INO80: variants seen among roughly 807,000 people sequenced by gnomAD.
The protein encoded by INO80 is INO80 complex ATPase subunit, also known as chromatin-remodeling ATPase INO80.
Under a neutral mutation model 203.4 loss-of-function variants are expected in INO80, and 20 were observed. The ratio of observed to expected loss-of-function variants is 0.10; its 90% CI spans 0.07 to 0.14. The LOEUF (loss-of-function observed/expected upper bound fraction) is 0.14, where lower values mean the gene tolerates loss of function less well. Among genes scored for constraint, INO80 ranks in the 10% least tolerant of loss-of-function variants. The pLI is 1.00. For missense variants in INO80, 1,419 were observed against 1,914.4 expected, an observed-to-expected ratio of 0.74 and a Z score of 4.83; for synonymous variants, 726 against 685.2, an observed-to-expected ratio of 1.06 and a Z score of -0.93.
chr15:41,051,751 G>T (rs192184919), intron 19 of INO80, among the ~76,000 whole-genome samples: 45 of 152,060 alleles, frequency 3.0e-4, no homozygotes, highest in Admixed American at 2.9e-3. Flanking sequence ...TCAAGAGATC[G>T]AGACCATCCT....
intron 7 of INO80, among the ~76,000 whole-genome samples, chr15:41,084,216 C>G: frequency 6.7e-6 from 1 of 150,112 alleles, no homozygotes. Context: ...AAAAAAAACG[C>G]TACATATGGC....
intron 23 of INO80, among the ~76,000 whole-genome samples, chr15:41,046,161 C>CTGTGTGTGTG (rs138869233): frequency 9.8e-6 from 1 of 101,688 alleles, no homozygotes; most frequent in Non-Finnish European, 2.1e-5. Context: ...GTGTGTGTGT[C>CTGTGTGTGTG]TGTGTGTGTG....
At chr15:41,056,198 G>A (rs1485743700) in intron 17 of INO80, among the ~76,000 whole-genome samples, 1 of 151,766 alleles carries the variant, frequency 6.6e-6, no homozygotes. Flanking sequence ...CTCCCACTTC[G>A]ACCTCCCAAG....
intron 4 of INO80, among the ~76,000 whole-genome samples, chr15:41,092,719 G>T (rs1199381472): frequency 1.3e-5 from 2 of 152,156 alleles, no homozygotes; most frequent in Non-Finnish European, 2.9e-5. Context: ...CTCAATTAAA[G>T]AAGTCAATCA....
At chr15:41,006,207 G>C (rs2044038840) in intron 27 of INO80, among the ~76,000 whole-genome samples, 1 of 152,016 alleles carries the variant, frequency 6.6e-6, no homozygotes, top group Non-Finnish European at 1.5e-5. Context: ...CAAAAGACAA[G>C]GTAATTTTCT....
At chr15:40,994,625 A>G (rs1275845614) in intron 29 of INO80, among the ~76,000 whole-genome samples, 1 of 151,940 alleles carries the variant, frequency 6.6e-6, no homozygotes, top group Non-Finnish European at 1.5e-5. Context: ...TCTGCCTCCC[A>G]AAGTGTTAGG....
Position 41,031,807 on chromosome 15 carries a change from A to G in INO80, c.2908-4071T>C, listed in dbSNP as rs542007534. ...GCCGCCAGGACTATAATATGCACAC[A>G]GTAGTGAAGTCAGCCTTTTCTAAAG... On this transcript the variant is annotated intron_variant, in intron 24 of 35. Transcript: ENST00000648947. 1.1e-4 allele frequency among the ~76,000 whole-genome samples: 16 copies of G among 152,220 alleles called. No individual in the cohort carries two copies. In the East Asian group the frequency reaches 1.9e-3, roughly 18 times the overall value.
chr15:41,048,394 G>T (rs1335129798), intron 21 of INO80, 118 bp from the exon 22 acceptor site: 1 of 713,716 alleles, frequency 1.4e-6, no homozygotes, highest in African/African-American at 1.8e-5. Flanking sequence ...TCACTTTTAA[G>T]AAGTTTCTTG....
At chr15:41,036,341 C>A (rs2044576115) in intron 24 of INO80, among the ~76,000 whole-genome samples, 1 of 151,942 alleles carries the variant, frequency 6.6e-6, no homozygotes, top group South Asian at 2.1e-4. Context: ...AGCTCATTAG[C>A]AACCTCTATT....
chr15:40,996,001 T>C (rs1361615148), intron 29 of INO80, among the ~76,000 whole-genome samples: 4 of 152,152 alleles, frequency 2.6e-5, no homozygotes, highest in Non-Finnish European at 5.9e-5. Flanking sequence ...GTGCATCCTA[T>C]AGTTGCTATT....
chr15:41,048,630 G>A (rs2044809422), intron 21 of INO80, among the ~76,000 whole-genome samples: 1 of 152,166 alleles, frequency 6.6e-6, no homozygotes, highest in Non-Finnish European at 1.5e-5. Flanking sequence ...AATAACTCAT[G>A]AAGTAAAATC....
chr15:40,988,827 T>TCA (rs1453406113), intron 29 of INO80, among the ~76,000 whole-genome samples: 1 of 152,112 alleles, frequency 6.6e-6, no homozygotes, highest in African/African-American at 2.4e-5. Context: ...CCAGCCTGGC[T>TCA]AACATGGTGA....
intron 33 of INO80, 123 bp downstream of exon 33, chr15:40,984,074 G>T: frequency 2.2e-6 from 3 of 1,337,590 alleles, no homozygotes; most frequent in Non-Finnish European, 3.1e-6. Context: ...GACCTCATGT[G>T]CAACCTACTT....
At chr15:41,091,108 G>A (rs1311578525) in intron 5 of INO80, among the ~76,000 whole-genome samples, 1 of 152,052 alleles carries the variant, frequency 6.6e-6, no homozygotes, top group Non-Finnish European at 1.5e-5. Flanking sequence ...ATTTTTAGTA[G>A]AGACACAGTT....
chr15:41,047,255 G>A (rs939654264), intron 23 of INO80, among the ~76,000 whole-genome samples, 153 bp downstream of exon 23: 3 of 152,122 alleles, frequency 2.0e-5, no homozygotes, highest in African/African-American at 4.8e-5. Context: ...ATGAGTCACC[G>A]TGCCCAGCCT....
intron 29 of INO80, among the ~76,000 whole-genome samples, chr15:40,989,196 G>A (rs926135423): frequency 1.3e-5 from 2 of 152,160 alleles, no homozygotes; most frequent in African/African-American, 4.8e-5. Flanking sequence ...AAACACTGGG[G>A]CTATGCTGGA....
At chr15:41,011,019 C>A (rs760031141) in intron 27 of INO80, among the ~76,000 whole-genome samples, 1 of 152,206 alleles carries the variant, frequency 6.6e-6, no homozygotes, top group Non-Finnish European at 1.5e-5. Flanking sequence ...TAATACAGAG[C>A]CCTTTGGAGC....
intron 1 of INO80, among the ~76,000 whole-genome samples, chr15:41,100,601 T>C (rs2045792908): frequency 6.6e-6 from 1 of 152,152 alleles, no homozygotes; most frequent in African/African-American, 2.4e-5. Context: ...TGAATTCCCT[T>C]ATGTCCACAA....
intron 14 of INO80, among the ~76,000 whole-genome samples, chr15:41,063,703 G>A (rs1022165382): frequency 3.3e-5 from 5 of 151,456 alleles, no homozygotes; most frequent in African/African-American, 7.3e-5. Context: ...CCCTGGAGAC[G>A]GAGGTTGCAG....
Sources: allele counts gnomAD v4.1 joint callset (sites outside exome capture counted in the v4.1 genomes callset), GRCh38; gene constraint gnomAD v4.1.1; transcripts MANE v1.5; gene names NCBI Gene and HGNC (gene_info 2026-07-23, HGNC 2026-07-21).